CADM2: variants seen among roughly 807,000 people sequenced by gnomAD.
CADM2 encodes the protein cell adhesion molecule 2.
A neutral mutation model predicts 49.8 loss-of-function variants in CADM2; 12 were observed. That is an observed-to-expected ratio of 0.24 (90% CI 0.15 to 0.39). The LOEUF is 0.39. Among genes scored for constraint, CADM2 ranks in the 10% least tolerant of loss-of-function variants. CADM2 has a pLI of 1.00. For synonymous variants in CADM2, 214 were observed against 175.4 expected, an observed-to-expected ratio of 1.22 and a Z score of -1.74; for missense variants, 378 against 492.3, an observed-to-expected ratio of 0.77 and a Z score of 2.20.
chr3:86,049,186 G>A (rs374648055), intron 8 of CADM2, among the ~76,000 whole-genome samples: 136 of 152,094 alleles, frequency 8.9e-4, no homozygotes, highest in East Asian at 5.8e-3. Flanking sequence ...GAGCTGTTGC[G>A]TTAGAATGTG....
intron 2 of CADM2, among the ~76,000 whole-genome samples, chr3:85,769,669 T>C (rs1293037959): frequency 6.9e-6 from 1 of 145,058 alleles, no homozygotes; most frequent in East Asian, 2.0e-4. Context: ...AGTATATATA[T>C]ACACATATAT....
intron 1 of CADM2, among the ~76,000 whole-genome samples, chr3:85,582,179 C>T (rs1972992): frequency 0.3 from 45,110 of 151,950 alleles, 7,878 homozygotes; most frequent in East Asian, 0.55. Context: ...CTGCCTCAGC[C>T]TCCCAAAATG....
chr3:84,992,296 T>C (rs1027058953), intron 1 of CADM2, among the ~76,000 whole-genome samples: 6 of 152,216 alleles, frequency 3.9e-5, no homozygotes, highest in African/African-American at 1.4e-4. Flanking sequence ...TTACCCTTAC[T>C]TATTGAATTT....
rs183175104 is a variant in CADM2, at chr3:85,631,517, G to A, written c.62-95005G>A. 1.6e-3 allele frequency among the ~76,000 whole-genome samples: 243 copies of A among 152,110 alleles called. 1 individual carries two copies. The highest frequency in any genetic ancestry group is 5.5e-3 in the African/African-American group (230 of 41,516). The stretch of plus-strand genomic sequence containing the variant: ...AGGGACATCTATAGTTGAGACAAAT[G>A]TCTGTTCAGTTGAGCCAGCAAGTGA... On this transcript the variant is annotated intron_variant, in intron 1 of 9. Coordinates refer to ENST00000383699, the MANE Select transcript of CADM2 (RefSeq NM_001167675.2).
At chr3:86,014,803 T>C (rs1732003539) in intron 8 of CADM2, 13 of 1,485,378 alleles carry the variant, frequency 8.8e-6, no homozygotes, top group South Asian at 1.4e-5. Flanking sequence ...AGGAAAGATA[T>C]AGAGCTTCCA....
intron 3 of CADM2, chr3:85,805,433 T>A (rs1457854640): frequency 2.0e-5 from 3 of 152,154 alleles, no homozygotes; most frequent in Non-Finnish European, 4.4e-5. Context: ...AAGAAAGAAA[T>A]CCTTTGGCAA....
At chr3:85,344,128 A>C (rs1274131423) in intron 1 of CADM2, among the ~76,000 whole-genome samples, 6 of 151,974 alleles carry the variant, frequency 3.9e-5, no homozygotes, top group Non-Finnish European at 7.4e-5. Flanking sequence ...GTAATCCCAG[A>C]ACTTTGGGGG....
chr3:85,706,560 T>C (rs2066957934), intron 1 of CADM2, among the ~76,000 whole-genome samples: 2 of 152,358 alleles, frequency 1.3e-5, no homozygotes, highest in South Asian at 2.1e-4. Context: ...ATTGTCCTAA[T>C]TTCCCTAGCA....
intron 1 of CADM2, among the ~76,000 whole-genome samples, chr3:85,454,083 G>T (rs2107574561): frequency 6.6e-6 from 1 of 152,234 alleles, no homozygotes; most frequent in African/African-American, 2.4e-5. Context: ...GGCTGGGCGT[G>T]GAGGCTCACG....
intron 3 of CADM2, among the ~76,000 whole-genome samples, chr3:85,834,635 A>C (rs2074326067): frequency 6.6e-6 from 1 of 151,566 alleles, no homozygotes; most frequent in East Asian, 1.9e-4. Context: ...TTGTAGTTAT[A>C]TGCTTTGTGC....
At chr3:85,129,710 G>A (rs375287106) in intron 1 of CADM2, among the ~76,000 whole-genome samples, 112 of 152,206 alleles carry the variant, frequency 7.4e-4, no homozygotes, top group African/African-American at 2.6e-3. Context: ...GATATGACAA[G>A]GTATTTTTAT....
At chr3:85,503,628 G>C (rs558083442) in intron 1 of CADM2, among the ~76,000 whole-genome samples, 64 of 152,264 alleles carry the variant, frequency 4.2e-4, no homozygotes, top group African/African-American at 1.5e-3. Context: ...ACACCGTATT[G>C]TATATTTCCC....
intron 1 of CADM2, among the ~76,000 whole-genome samples, chr3:85,359,862 TTAAAC>T (rs1289400691): frequency 6.6e-6 from 1 of 150,492 alleles, no homozygotes; most frequent in Non-Finnish European, 1.5e-5. Context: ...TCTTTTAAAA[TTAAAC>T]TAAATTACTA....
chr3:85,967,127 T>A (rs1725575496), intron 8 of CADM2, among the ~76,000 whole-genome samples: 1 of 151,640 alleles, frequency 6.6e-6, no homozygotes, highest in Non-Finnish European at 1.5e-5. Flanking sequence ...ATCGTACACA[T>A]AGATATTATA....
intron 1 of CADM2, among the ~76,000 whole-genome samples, chr3:85,541,710 ATTT>A (rs201490477): frequency 0.51 from 69,728 of 137,932 alleles, 20,960 homozygotes; most frequent in East Asian, 0.87. Flanking sequence ...TTATATATAT[ATTT>A]TATATTATAT....
intron 1 of CADM2, among the ~76,000 whole-genome samples, chr3:84,999,003 G>T (rs1027136057): frequency 6.6e-6 from 1 of 152,118 alleles, no homozygotes. Context: ...CAAAAAGCTA[G>T]ATAACTTTCC....
Position 85,725,285 on chromosome 3 carries a change from G to A in CADM2, c.62-1237G>A, listed in dbSNP as rs138964106. Among the ~76,000 whole-genome samples the A allele has an allele frequency of 4.6e-3, 706 of 152,018 alleles. 8 individuals carry two copies. Among genetic ancestry groups the A allele is most frequent in the African/African-American group, 0.016 (681 of 41,562 alleles). On this transcript the variant is annotated intron_variant, in intron 1 of 9. Transcript: ENST00000383699. ...AGATGAAAACAAAAATTATCTGTAA[G>A]TAGCCTGGTATGTACACAGACTTTC...
intron 1 of CADM2, among the ~76,000 whole-genome samples, chr3:85,175,678 C>A (rs1489915815): frequency 2.0e-5 from 3 of 152,016 alleles, no homozygotes; most frequent in East Asian, 1.9e-4. Context: ...GTGGTGACAA[C>A]AATGCGATGT....
rs78090111 is a variant in CADM2, at chr3:85,750,272, A to G, written c.88+23724A>G. ...CATGAATGAGTTTATTTTGACATCC[A>G]GATAGCATTTGCTGAAATGTGAATG... is the stretch of plus-strand genomic sequence containing the variant. On this transcript the variant is annotated intron_variant, in intron 2 of 9. Transcript: ENST00000383699. 2.4e-3 allele frequency among the ~76,000 whole-genome samples: 364 copies of G among 152,138 alleles called. 2 individuals carry two copies. Among genetic ancestry groups the G allele is most frequent in the African/African-American group, 8.5e-3 (352 of 41,552 alleles).
Sources: gnomAD v4.1 joint callset for allele counts (sites outside exome capture counted in the v4.1 genomes callset) on GRCh38, gnomAD v4.1.1 for gene constraint, MANE v1.5 for transcripts, NCBI Gene and HGNC (gene_info 2026-07-23, HGNC 2026-07-21) for gene names.